CAPZA2: variants seen among roughly 807,000 people sequenced by gnomAD.
CAPZA2 encodes the protein F-actin-capping protein subunit alpha-2.
A neutral mutation model predicts 44.0 loss-of-function variants in CAPZA2; 13 were observed. The observed-to-expected ratio is 0.30, with a 90% confidence interval of 0.19 to 0.47. The LOEUF (loss-of-function observed/expected upper bound fraction) is 0.47. CAPZA2 is among the 20% of genes least tolerant of loss of function. CAPZA2 has a pLI of 1.00. For missense variants in CAPZA2, 244 were observed against 338.6 expected, an observed-to-expected ratio of 0.72 and a Z score of 2.19; for synonymous variants, 94 against 108.2, an observed-to-expected ratio of 0.87 and a Z score of 0.81.
chr7:116,915,075 C>G (rs376218968), intron 8 of CAPZA2, among the ~76,000 whole-genome samples: 1 of 151,912 alleles, frequency 6.6e-6, no homozygotes, highest in African/African-American at 2.4e-5. Context: ...GTCAGGAGTG[C>G]GAGACCAGCC....
intron 1 of CAPZA2, among the ~76,000 whole-genome samples, chr7:116,880,483 T>TGCCTCCCGGATTCAAGCAATTCTCC (rs1796678240): frequency 6.6e-6 from 1 of 151,224 alleles, no homozygotes; most frequent in East Asian, 2.0e-4. Context: ...CTGCAACCTC[T>TGCCTCCCGGATTCAAGCAATTCTCC]GCCTCCCGGA....
intron 1 of CAPZA2, among the ~76,000 whole-genome samples, chr7:116,885,014 T>G (rs1167121512): frequency 6.6e-6 from 1 of 152,248 alleles, no homozygotes; most frequent in East Asian, 1.9e-4. Flanking sequence ...CATCTTTTTG[T>G]GCATTTATCT....
At chr7:116,913,395 T>G (rs751288506) in intron 8 of CAPZA2, among the ~76,000 whole-genome samples, 17 of 152,214 alleles carry the variant, frequency 1.1e-4, no homozygotes, top group Non-Finnish European at 1.9e-4. Context: ...TAGTTTTAGC[T>G]CTTACATTTA....
At chr7:116,913,341 C>G (rs1585015654) in intron 8 of CAPZA2, among the ~76,000 whole-genome samples, 1 of 151,958 alleles carries the variant, frequency 6.6e-6, no homozygotes, top group Non-Finnish European at 1.5e-5. Context: ...TACCCAAGGT[C>G]GTGGAGATCT....
chr7:116,895,673 TAAAAA>T (rs879268529), intron 3 of CAPZA2, among the ~76,000 whole-genome samples: 1 of 144,590 alleles, frequency 6.9e-6, no homozygotes, highest in Non-Finnish European at 1.5e-5. Context: ...TGCTTACTAG[TAAAAA>T]AAAAAAAATA....
chr7:116,904,153 T>C, intron 4 of CAPZA2, 24 bp from the exon 5 acceptor site: 1 of 1,458,100 alleles, frequency 6.9e-7, no homozygotes, highest in Non-Finnish European at 9.5e-7. Context: ...TTATTTTTTT[T>C]CTAAATTCAT....
rs1791676257 is a variant in CAPZA2, at chr7:116,916,105, G to A, written c.703G>A (p.Ala235Thr). 2.6e-6 allele frequency: 4 copies of A among 1,529,936 alleles called. No individual in the cohort carries two copies. The highest frequency in any genetic ancestry group is 3.5e-6 in the Non-Finnish European group (4 of 1,143,738). 94.8% of individuals were successfully genotyped at this position (1,529,936 alleles called of 1,614,324 possible). ...AGAATTTATAAAGATTGTAGAAGCT[G>A]CAGAAAATGAATACCAGGTATGATT... ...AKEFIKIVEA[A>T]ENEYQTAISE... The change falls in exon 9 of 10, where the codon GCA becomes ACA. Residue 235 changes from alanine to threonine, a missense_variant. Transcript: ENST00000361183.
In CAPZA2 at chr7:116,875,416, T is replaced by G. The variant is rs561760170; in HGVS notation, c.40-12711T>G. On this transcript the variant is annotated intron_variant, in intron 1 of 9. Coordinates refer to ENST00000361183, the MANE Select transcript of CAPZA2 (RefSeq NM_006136.3). ...GGAGTAGAAACAAGTGAAAGAAGAT[T>G]GCCTAAAATTGATATAAGAGCTTCT... The G allele has an allele frequency of 5.9e-5, 9 of 152,354 alleles. No individual in the cohort carries two copies. The Middle Eastern group carries it at 0.014, about 230-fold the overall frequency. The allele number at this position is 152,354 out of a possible 1,614,324, so 9.4% of individuals were successfully genotyped here.
At chr7:116,893,272 A>G (rs538523162) in intron 3 of CAPZA2, among the ~76,000 whole-genome samples, 5 of 152,222 alleles carry the variant, frequency 3.3e-5, no homozygotes, top group African/African-American at 1.2e-4. Context: ...CTGGGACTAC[A>G]GGCGCGCACC....
intron 1 of CAPZA2, among the ~76,000 whole-genome samples, chr7:116,886,324 C>G (rs565611204): frequency 1.3e-5 from 2 of 152,282 alleles, no homozygotes; most frequent in Admixed American, 6.5e-5. Flanking sequence ...CAAACATTCC[C>G]TTTGTCTTAA....
intron 3 of CAPZA2, among the ~76,000 whole-genome samples, chr7:116,894,053 A>G (rs1178090228): frequency 3.3e-5 from 5 of 152,260 alleles, no homozygotes; most frequent in Middle Eastern, 3.4e-3. Flanking sequence ...ATCCTAGTAT[A>G]ATACCCAATA....
chr7:116,864,839 A>G (rs1056736254), intron 1 of CAPZA2, among the ~76,000 whole-genome samples: 1 of 152,262 alleles, frequency 6.6e-6, no homozygotes, highest in Middle Eastern at 3.4e-3. Context: ...CAGGAGTTGT[A>G]GACCAGCCTG....
In CAPZA2 at chr7:116,870,674, T is replaced by C. The variant is rs1796544182; in HGVS notation, c.39+8024T>C. Among the ~76,000 whole-genome samples, 3 of 152,262 alleles carry C rather than the reference T, an allele frequency of 2.0e-5. 1 individual carries two copies. The South Asian group carries it at 6.2e-4, about 32-fold the overall frequency. On this transcript the variant is annotated intron_variant, in intron 1 of 9. Transcript: ENST00000361183. The stretch of plus-strand genomic sequence containing the variant: ...CCTTGTTGAGACCCATGAGTCTAGA[T>C]AGATTAGAGCTGGTAAGAACAGTTG...
intron 1 of CAPZA2, among the ~76,000 whole-genome samples, chr7:116,865,169 G>C (rs1796466903): frequency 7.0e-6 from 1 of 141,940 alleles, no homozygotes. Context: ...GACATTATGC[G>C]CTCTCTTCTT....
chr7:116,890,968 C>T (rs1050719123), intron 2 of CAPZA2, among the ~76,000 whole-genome samples: 6 of 151,920 alleles, frequency 3.9e-5, no homozygotes, highest in African/African-American at 1.2e-4. Context: ...ATGCTGTTTC[C>T]TAGGCTGACT....
chr7:116,917,946 T>C lies in CAPZA2; in HGVS notation c.*79T>C. 2 of 1,222,100 alleles carry C rather than the reference T, an allele frequency of 1.6e-6. No individual in the cohort carries two copies. The highest frequency in any genetic ancestry group is 2.4e-6 in the Non-Finnish European group (2 of 837,638). The allele number at this position is 1,222,100 out of a possible 1,614,324, so 75.7% of individuals were successfully genotyped here. On this transcript the variant is annotated 3_prime_UTR_variant, in exon 10 of 10. Transcript: ENST00000361183. ...GCAAAAGTATTCTGAACTGTCAAGC[T>C]GCCCAGTCAGATGGGCTGTTGCCAT...
chr7:116,900,840 T>C (rs1334834233), intron 4 of CAPZA2, among the ~76,000 whole-genome samples: 5 of 151,956 alleles, frequency 3.3e-5, no homozygotes, highest in Non-Finnish European at 7.4e-5. Context: ...CATTAAAAAG[T>C]GGGCAAAGGA....
At chr7:116,884,573 T>C (rs1204501944) in intron 1 of CAPZA2, among the ~76,000 whole-genome samples, 1 of 152,232 alleles carries the variant, frequency 6.6e-6, no homozygotes, top group African/African-American at 2.4e-5. Flanking sequence ...TTGAGGTTCA[T>C]TTCAGTTGTC....
chr7:116,910,713 G>A (rs1359928147), intron 7 of CAPZA2, among the ~76,000 whole-genome samples: 4 of 152,048 alleles, frequency 2.6e-5, no homozygotes, highest in South Asian at 2.1e-4. Flanking sequence ...ATGTATTAAC[G>A]TGTATGTATT....
Sources: gnomAD v4.1 joint callset for allele counts (sites outside exome capture counted in the v4.1 genomes callset) on GRCh38, gnomAD v4.1.1 for gene constraint, MANE v1.5 for transcripts, NCBI Gene and HGNC (gene_info 2026-07-23, HGNC 2026-07-21) for gene names.